The following CNKSR2 variants were observed in gnomAD, a reference collection of about 807,000 sequenced individuals.
CNKSR2 encodes CNK homolog protein 2.
A neutral mutation model predicts 84.4 loss-of-function variants in CNKSR2; 14 were observed. The ratio of observed to expected loss-of-function variants is 0.17; its 90% CI spans 0.11 to 0.26. The LOEUF (loss-of-function observed/expected upper bound fraction) is 0.26. Among genes scored for constraint, CNKSR2 ranks in the 10% least tolerant of loss-of-function variants. The pLI, the probability that CNKSR2 is intolerant of heterozygous loss-of-function variation, is 1.00. For missense variants in CNKSR2, 485 were observed against 771.2 expected (o/e 0.63, Z 4.40); for synonymous variants, 275 against 277.9 (o/e 0.99, Z 0.10).
intron 1 of CNKSR2, chrX:21,422,123 G>A (rs2090505657): frequency 9.0e-6 from 1 of 111,627 alleles, no homozygotes; most frequent in African/African-American, 3.3e-5. Flanking sequence ...TGGGGAGAGT[G>A]TATCCATAGC....
chrX:21,440,423 A>T (rs974224172), intron 3 of CNKSR2, among the ~76,000 whole-genome samples: 7 of 111,723 alleles, frequency 6.3e-5, no homozygotes, highest in Non-Finnish European at 1.1e-4. Flanking sequence ...TGTAGTGAAG[A>T]TACCTTGTAA....
intron 11 of CNKSR2, chrX:21,538,510 A>T (rs1445161249): frequency 9.0e-6 from 1 of 111,689 alleles, no homozygotes; most frequent in Non-Finnish European, 1.9e-5. Flanking sequence ...TTTAGCTCTT[A>T]TTTTGTTAAA....
At chrX:21,386,827 A>C (rs755334603) in intron 1 of CNKSR2, among the ~76,000 whole-genome samples, 1 of 112,015 alleles carries the variant, frequency 8.9e-6, no homozygotes, top group South Asian at 3.7e-4. Flanking sequence ...AAAAATTGTG[A>C]ACTGTGGTAG....
In CNKSR2 at chrX:21,632,990, TACACACACACAC is replaced by T. The variant is rs200936630; in HGVS notation, c.2693-15817_2693-15806del. Among the ~76,000 whole-genome samples the T allele has an allele frequency of 8.9e-5, 9 of 100,662 alleles. No homozygotes were observed. In the East Asian group the frequency reaches 1.2e-3, roughly 14 times the overall value. The allele number at this position is 100,662 out of a possible 115,157, so 87.4% of individuals were successfully genotyped here. On this transcript the variant is annotated intron_variant, in intron 20 of 21. Transcript: ENST00000379510. ...CATGTGTATACACACTTATATAATA[TACACACACACAC>T]ACACACACACACACACACACACATA...
chrX:21,649,500 C>A (rs1284556035), intron 21 of CNKSR2, among the ~76,000 whole-genome samples: 2 of 112,438 alleles, frequency 1.8e-5, no homozygotes, highest in Non-Finnish European at 3.8e-5. Context: ...GATTTGTGTT[C>A]CATGTAGAAA....
chrX:21,426,669 A>G lies in CNKSR2; in HGVS notation c.228+9A>G, dbSNP rs557588406. On this transcript the variant is annotated intron_variant, in intron 2 of 21. Coordinates refer to ENST00000379510, the MANE Select transcript of CNKSR2 (RefSeq NM_014927.5). Reference sequence around the variant, plus strand: ...ACCTTCTGTGTGCATTGGTAAGGACATAAAACTGGTGAAGAGGGAAACTTC... The same window carrying G: ...ACCTTCTGTGTGCATTGGTAAGGACGTAAAACTGGTGAAGAGGGAAACTTC... 70 of 1,174,282 alleles carry G rather than the reference A, an allele frequency of 6.0e-5. No individual in the cohort carries two copies. The South Asian group carries it at 1.3e-3, about 21-fold the overall frequency.
intron 13 of CNKSR2, among the ~76,000 whole-genome samples, chrX:21,569,134 G>A (rs989744174): frequency 7.2e-5 from 8 of 111,594 alleles, no homozygotes; most frequent in Middle Eastern, 4.7e-3. Context: ...ATAGCATTAT[G>A]TCTAAAAAAC....
intron 5 of CNKSR2, among the ~76,000 whole-genome samples, chrX:21,471,437 G>T (rs143064101): frequency 0.012 from 1,361 of 111,834 alleles, 5 homozygotes; most frequent in Middle Eastern, 0.023. Context: ...TTCACCTCTG[G>T]TGTGTGTGAA....
intron 13 of CNKSR2, among the ~76,000 whole-genome samples, chrX:21,587,035 G>A (rs1473714615): frequency 1.8e-5 from 2 of 111,729 alleles, no homozygotes; most frequent in Non-Finnish European, 3.8e-5. Flanking sequence ...GAGTGAATTA[G>A]ATAAATTGTA....
At chrX:21,447,880 AACCCCATACTGG>A (rs1365539916) in intron 4 of CNKSR2, among the ~76,000 whole-genome samples, 1 of 111,897 alleles carries the variant, frequency 8.9e-6, no homozygotes, top group Admixed American at 9.5e-5. Context: ...CTGATGCCTG[AACCCCATACTGG>A]ACCCATTAAA....
chrX:21,608,729 G>A (rs756298527), intron 19 of CNKSR2, among the ~76,000 whole-genome samples: 3 of 112,039 alleles, frequency 2.7e-5, no homozygotes, highest in Non-Finnish European at 5.6e-5. Context: ...TACTTCTTCA[G>A]GATCTGAAAA....
At chrX:21,532,453 C>T (rs1447988870) in intron 11 of CNKSR2, among the ~76,000 whole-genome samples, 1 of 110,246 alleles carries the variant, frequency 9.1e-6, no homozygotes, top group East Asian at 2.8e-4. Context: ...AAATTATCTC[C>T]ATATTCCTCA....
intron 1 of CNKSR2, among the ~76,000 whole-genome samples, chrX:21,409,359 C>T (rs1238937672): frequency 6.0e-5 from 6 of 100,382 alleles, no homozygotes; most frequent in Admixed American, 3.3e-4. Context: ...TCAAATGCAT[C>T]TGCAGAAGTT....
At chrX:21,456,110 A>G (rs1328941042) in intron 4 of CNKSR2, among the ~76,000 whole-genome samples, 1 of 111,845 alleles carries the variant, frequency 8.9e-6, no homozygotes, top group Non-Finnish European at 1.9e-5. Context: ...TATTTAAGAC[A>G]TACAACATGA....
intron 20 of CNKSR2, among the ~76,000 whole-genome samples, chrX:21,612,509 A>G (rs974520801): frequency 1.5e-4 from 17 of 112,553 alleles, no homozygotes; most frequent in Non-Finnish European, 3.0e-4. Context: ...TTTAATGTCT[A>G]GTTCCAAACG....
chrX:21,391,228 C>T (rs1429940169), intron 1 of CNKSR2, among the ~76,000 whole-genome samples: 1 of 112,715 alleles, frequency 8.9e-6, no homozygotes, highest in African/African-American at 3.2e-5. Context: ...CCTCTTCTCA[C>T]AGCTCCACTA....
intron 14 of CNKSR2, 45 bp downstream of exon 14, chrX:21,590,665 G>A (rs751996437): frequency 1.8e-5 from 20 of 1,140,478 alleles, no homozygotes; most frequent in Non-Finnish European, 2.2e-5. Flanking sequence ...TTTGCTCTTT[G>A]ATAATCCCCA....
At chrX:21,641,498 T>C in intron 20 of CNKSR2, 1 of 1,169,132 alleles carries the variant, frequency 8.6e-7, no homozygotes. Flanking sequence ...CTCGCAGGTC[T>C]TTCATCATAT....
intron 5 of CNKSR2, among the ~76,000 whole-genome samples, 175 bp from the exon 6 acceptor site, chrX:21,490,284 G>A (rs1218312674): frequency 8.9e-6 from 1 of 111,865 alleles, no homozygotes; most frequent in Non-Finnish European, 1.9e-5. Context: ...GGTGTGTTGT[G>A]TGTAAATGTG....
Sources: allele counts gnomAD v4.1 joint callset (sites outside exome capture counted in the v4.1 genomes callset), GRCh38; gene constraint gnomAD v4.1.1; transcripts MANE v1.5; gene names NCBI Gene and HGNC (gene_info 2026-07-23, HGNC 2026-07-21).